PRKG1: variants seen among roughly 807,000 people sequenced by gnomAD.
The protein encoded by PRKG1 is cGMP-dependent protein kinase 1.
In PRKG1, 35 loss-of-function variants were observed where a neutral mutation model predicts 88.1. The ratio of observed to expected loss-of-function variants is 0.40; its 90% CI spans 0.30 to 0.53. The LOEUF (loss-of-function observed/expected upper bound fraction) is 0.53. Ranked by LOEUF, PRKG1 falls within the 20% of genes least tolerant of loss-of-function variation. The probability of loss-of-function intolerance (pLI) is 0.59; values close to 1 mark genes in which losing one functional copy is unlikely to be tolerated. For synonymous variants in PRKG1, 303 were observed against 292.5 expected, an observed-to-expected ratio of 1.04 and a Z score of -0.37; for missense variants, 540 against 839.8, an observed-to-expected ratio of 0.64 and a Z score of 4.41.
intron 5 of PRKG1, among the ~76,000 whole-genome samples, chr10:52,044,390 C>T (rs1004349160): frequency 1.1e-4 from 17 of 152,186 alleles, no homozygotes; most frequent in South Asian, 6.2e-4. Context: ...CTTTTAAAAA[C>T]GTACTAGTAC....
chr10:51,652,137 G>T (rs926750674), intron 3 of PRKG1, among the ~76,000 whole-genome samples: 1 of 151,942 alleles, frequency 6.6e-6, no homozygotes, highest in Non-Finnish European at 1.5e-5. Flanking sequence ...AAAAGCTTTA[G>T]GCTTAATATA....
chr10:51,057,594 T>C (rs1477146660), intron 1 of PRKG1, among the ~76,000 whole-genome samples: 2 of 152,182 alleles, frequency 1.3e-5, no homozygotes, highest in Non-Finnish European at 2.9e-5. Flanking sequence ...AAGGTAACTA[T>C]TATCTTCACC....
At chr10:51,056,754 G>A (rs1773876305) in intron 1 of PRKG1, among the ~76,000 whole-genome samples, 1 of 152,036 alleles carries the variant, frequency 6.6e-6, no homozygotes, top group Admixed American at 6.6e-5. Context: ...TCTGGTCCTT[G>A]TCTGTCTCCT....
chr10:51,181,759 T>C (rs1837353628), intron 2 of PRKG1, among the ~76,000 whole-genome samples: 1 of 152,166 alleles, frequency 6.6e-6, no homozygotes, highest in South Asian at 2.1e-4. Flanking sequence ...ATGAGGAAAT[T>C]GAGGATCAGG....
chr10:52,247,266 C>T (rs4041235), intron 9 of PRKG1, among the ~76,000 whole-genome samples: 77,845 of 151,916 alleles, frequency 0.51, 21,905 homozygotes, highest in East Asian at 0.79. Flanking sequence ...TTTAAGCAAC[C>T]AAATACCAGA....
chr10:51,913,064 G>A (rs575035053), intron 5 of PRKG1, among the ~76,000 whole-genome samples: 4 of 152,238 alleles, frequency 2.6e-5, no homozygotes, highest in African/African-American at 7.2e-5. Flanking sequence ...GAGTAGCTGG[G>A]ATTACGGGTG....
intron 3 of PRKG1, among the ~76,000 whole-genome samples, chr10:51,796,066 T>A (rs1161083174): frequency 2.0e-5 from 3 of 152,106 alleles, no homozygotes; most frequent in East Asian, 3.9e-4. Flanking sequence ...CTGTGGTGAT[T>A]TGCCAAAGAA....
intron 3 of PRKG1, among the ~76,000 whole-genome samples, chr10:51,666,010 T>C: frequency 6.6e-6 from 1 of 152,152 alleles, no homozygotes; most frequent in East Asian, 1.9e-4. Flanking sequence ...GCAACACATT[T>C]ATTATTAAAA....
chr10:51,857,402 T>A (rs10823724), intron 4 of PRKG1, among the ~76,000 whole-genome samples: 41,908 of 152,132 alleles, frequency 0.28, 6,921 homozygotes, highest in Non-Finnish European at 0.36. Context: ...TTATATCTTG[T>A]GATGCCAGCA....
chr10:50,999,098 CAATATT>C (rs1181560883), intron 1 of PRKG1, among the ~76,000 whole-genome samples: 1 of 152,170 alleles, frequency 6.6e-6, no homozygotes, highest in Non-Finnish European at 1.5e-5. Flanking sequence ...TAAATTCAAT[CAATATT>C]AAGTTTATAT....
intron 3 of PRKG1, chr10:51,696,423 T>G (rs1436879966): frequency 6.6e-6 from 1 of 151,910 alleles, no homozygotes; most frequent in African/African-American, 2.4e-5. Context: ...TAGACACTGA[T>G]TTTTGGGAAG....
At chr10:52,215,070 C>T (rs61847352) in intron 9 of PRKG1, among the ~76,000 whole-genome samples, 4,558 of 150,912 alleles carry the variant, frequency 0.03, 94 homozygotes, top group Non-Finnish European at 0.047. Context: ...ATGAAGATGC[C>T]ATTTTGGAGA....
In PRKG1 at chr10:52,043,851, A is replaced by G. The variant is rs185486507; in HGVS notation, c.763-10633A>G. Reference sequence around the variant, plus strand: ...AAAAGAAAAACTTAAAAAATTTTGGAAAAAAAAACCAAGGATTGAAAATCC... The same window carrying G: ...AAAAGAAAAACTTAAAAAATTTTGGGAAAAAAAACCAAGGATTGAAAATCC... On this transcript the variant is annotated intron_variant, in intron 5 of 17. Coordinates refer to ENST00000373980, the MANE Select transcript of PRKG1 (RefSeq NM_006258.4). Among the ~76,000 whole-genome samples, 341 of 151,592 alleles carry G rather than the reference A, an allele frequency of 2.2e-3. 2 individuals are homozygous for G. The highest frequency in any genetic ancestry group is 7.8e-3 in the African/African-American group (324 of 41,398).
At position 52,208,925 on chromosome 10, in the gene PRKG1, T is replaced by G. The variant is rs191175491; in HGVS notation, c.1077-42645T>G. Reference sequence around the variant, plus strand: ...ACTTCAAAACACAATACTAAGACTTTATTATTTAGAAGTCTTTAAAAGTTT... The same window carrying G: ...ACTTCAAAACACAATACTAAGACTTGATTATTTAGAAGTCTTTAAAAGTTT... On this transcript the variant is annotated intron_variant, in intron 9 of 17. Coordinates refer to ENST00000373980, the MANE Select transcript of PRKG1 (RefSeq NM_006258.4). 1.1e-3 allele frequency among the ~76,000 whole-genome samples: 175 copies of G among 152,358 alleles called. 1 individual carries two copies. Among genetic ancestry groups the G allele is most frequent in the African/African-American group, 4.1e-3 (172 of 41,580 alleles).
intron 5 of PRKG1, among the ~76,000 whole-genome samples, chr10:52,053,541 G>A (rs111385827): frequency 6.6e-6 from 1 of 152,168 alleles, no homozygotes; most frequent in African/African-American, 2.4e-5. Flanking sequence ...CTGCTATGCT[G>A]CAGAGAAGGA....
At chr10:51,808,377 G>C (rs1456857770) in intron 4 of PRKG1, among the ~76,000 whole-genome samples, 1 of 152,062 alleles carries the variant, frequency 6.6e-6, no homozygotes, top group Non-Finnish European at 1.5e-5. Context: ...TGGGCGGATT[G>C]TTTGAGCTCA....
rs115551666 is a variant in PRKG1 at position 51,990,671 on chromosome 10, T to A, written c.763-63813T>A. On this transcript the variant is annotated intron_variant, in intron 5 of 17. Coordinates refer to ENST00000373980, the MANE Select transcript of PRKG1 (RefSeq NM_006258.4). ...ATAGATTATTTTGTCACCCAGGTAT[T>A]AAGCCTAGTTCTCATTAGTTATTTT... Among the ~76,000 whole-genome samples the A allele has an allele frequency of 7.8e-3, 1,189 of 152,180 alleles. 23 individuals are homozygous for A. Among genetic ancestry groups the A allele is most frequent in the African/African-American group, 0.027 (1,136 of 41,532 alleles).
At chr10:51,347,082 A>G (rs1300040705) in intron 2 of PRKG1, among the ~76,000 whole-genome samples, 1 of 151,978 alleles carries the variant, frequency 6.6e-6, no homozygotes, top group Middle Eastern at 3.2e-3. Flanking sequence ...GAATGCCAAT[A>G]GCCACTGCGG....
chr10:51,701,067 C>T (rs936784145), intron 3 of PRKG1, among the ~76,000 whole-genome samples: 9 of 151,918 alleles, frequency 5.9e-5, no homozygotes, highest in Middle Eastern at 3.4e-3. Flanking sequence ...TTTTATAAGT[C>T]GAAATGTAAT....
Sources: allele counts gnomAD v4.1 joint callset (sites outside exome capture counted in the v4.1 genomes callset), GRCh38; gene constraint gnomAD v4.1.1; transcripts MANE v1.5; gene names NCBI Gene and HGNC (gene_info 2026-07-23, HGNC 2026-07-21).